The following USP6NL variants were observed in gnomAD, a reference collection of about 807,000 sequenced individuals.
The protein encoded by USP6NL is USP6 N-terminal-like protein.
In USP6NL, 26 loss-of-function variants were observed where a neutral mutation model predicts 61.9. The observed-to-expected ratio is 0.42, with a 90% CI of 0.31 to 0.58. USP6NL has a LOEUF of 0.58. Ranked by LOEUF, USP6NL falls within the 20% of genes least tolerant of loss-of-function variation. USP6NL has a pLI of 0.16. For missense variants in USP6NL, 1,114 were observed against 1,034.3 expected (o/e 1.08, Z -1.06); for synonymous variants, 432 against 390.1 (o/e 1.11, Z -1.27).
chr10:11,520,817 C>A lies in USP6NL; in HGVS notation c.156-2243G>T, dbSNP rs1246349924. ...CAGGGTTAAGCAGTTGTGACAAAGA[C>A]CGTATGACCTACAAAGCCAAAGATC... On this transcript the variant is annotated intron_variant, in intron 4 of 14. Coordinates refer to ENST00000609104, the MANE Select transcript of USP6NL (RefSeq NM_014688.5). The surrounding 1 kb of genome is among the most constrained non-coding windows in gnomAD (Gnocchi z 5.2). Among the ~76,000 whole-genome samples, 1 of 152,202 alleles carries A rather than the reference C, an allele frequency of 6.6e-6. No homozygotes were observed. The highest frequency in any genetic ancestry group is 1.5e-5 in the Non-Finnish European group (1 of 68,042).
chr10:11,609,854 CT>C (rs1460532557), intron 1 of USP6NL, among the ~76,000 whole-genome samples: 2 of 152,186 alleles, frequency 1.3e-5, no homozygotes, highest in East Asian at 3.8e-4. Context: ...CACTTACTGG[CT>C]TGTTTAACCA....
chr10:11,484,866 C>A, intron 13 of USP6NL, 105 bp downstream of exon 13: 1 of 851,056 alleles, frequency 1.2e-6, no homozygotes, highest in South Asian at 2.3e-5. Context: ...AAAATTTAAA[C>A]CACTATTAAA....
At chr10:11,523,367 T>C (rs1038805677) in intron 4 of USP6NL, among the ~76,000 whole-genome samples, 2 of 152,242 alleles carry the variant, frequency 1.3e-5, no homozygotes, top group African/African-American at 4.8e-5. Context: ...TGGATCCACA[T>C]TTGCAGGCAT....
intron 1 of USP6NL, among the ~76,000 whole-genome samples, chr10:11,607,390 TA>T (rs1208737372): frequency 6.6e-6 from 1 of 152,132 alleles, no homozygotes; most frequent in Non-Finnish European, 1.5e-5. Flanking sequence ...ATTAATTCTA[TA>T]ATAAAATATT....
chr10:11,510,665 T>G lies in USP6NL; in HGVS notation c.196-990A>C, dbSNP rs1566146596. Among the ~76,000 whole-genome samples, 1 of 152,148 alleles carries G rather than the reference T, an allele frequency of 6.6e-6. No individual in the cohort carries two copies. The highest frequency in any genetic ancestry group is 1.5e-5 in the Non-Finnish European group (1 of 68,028). On this transcript the variant is annotated intron_variant, in intron 5 of 14. Transcript: ENST00000609104. The surrounding 1 kb of genome is among the most constrained non-coding windows in gnomAD (Gnocchi z 4.8). ...TAGTAAGTATATGAATAAAAAGCAATGAAAATACAAGTCTACTCAGAAAAG... is the reference window on the plus strand; with the variant it reads ...TAGTAAGTATATGAATAAAAAGCAAGGAAAATACAAGTCTACTCAGAAAAG...
At position 11,471,735 on chromosome 10, in the gene USP6NL, C is replaced by G. The variant is rs572347405; in HGVS notation, c.1079-7886G>C. Among the ~76,000 whole-genome samples, 7 of 148,678 alleles carry G rather than the reference C, an allele frequency of 4.7e-5. No homozygotes were observed. The East Asian group carries it at 1.4e-3, about 29-fold the overall frequency. ...GCAAACTATTGCAAGGACAAAATAC[C>G]AAATACTGCATGTTCTCACTCACAG... is the stretch of plus-strand genomic sequence containing the variant. On this transcript the variant is annotated intron_variant, in intron 14 of 14. Transcript: ENST00000609104.
intron 6 of USP6NL, among the ~76,000 whole-genome samples, chr10:11,506,488 AT>A (rs1000660631): frequency 1.3e-5 from 2 of 151,002 alleles, no homozygotes; most frequent in Admixed American, 6.6e-5. Context: ...GAAAAATAAA[AT>A]TTTTTTTTTA....
At chr10:11,505,060 A>G (rs1247183614) in intron 6 of USP6NL, among the ~76,000 whole-genome samples, 1 of 152,182 alleles carries the variant, frequency 6.6e-6, no homozygotes, top group Non-Finnish European at 1.5e-5. Context: ...TGTGATGGTC[A>G]CTTCTTATGG....
At position 11,585,887 on chromosome 10, in the gene USP6NL, T is replaced by C. The variant is rs547742535; in HGVS notation, c.4+11744A>G. Reference sequence around the variant, plus strand: ...TTACAAAAATACAAATACTGAATGATTCCACTTACATGAGGTACCTAGAGG... The same window carrying C: ...TTACAAAAATACAAATACTGAATGACTCCACTTACATGAGGTACCTAGAGG... On this transcript the variant is annotated intron_variant, in intron 2 of 14. Transcript: ENST00000609104. This position sits in a 1 kb window ranked among gnomAD's most constrained non-coding sequence, Gnocchi z 4.5. Among the ~76,000 whole-genome samples the C allele has an allele frequency of 7.4e-4, 113 of 152,238 alleles. 1 individual carries two copies. Among genetic ancestry groups the C allele is most frequent in the Admixed American group, 1.6e-3 (25 of 15,288 alleles).
intron 7 of USP6NL, among the ~76,000 whole-genome samples, chr10:11,498,235 CAAAAAAAAA>C (rs11341542): frequency 3.6e-4 from 14 of 38,808 alleles, no homozygotes; most frequent in Admixed American, 1.3e-3. Context: ...CACTCTGTCT[CAAAAAAAAA>C]AAAAAAAAAA....
At chr10:11,497,336 G>A (rs1305200422) in intron 7 of USP6NL, among the ~76,000 whole-genome samples, 3 of 150,744 alleles carry the variant, frequency 2.0e-5, no homozygotes, top group South Asian at 2.1e-4. Context: ...GTGTGAACCC[G>A]GGAGGCGGAG....
chr10:11,488,452 AT>A (rs1420846704), intron 10 of USP6NL, among the ~76,000 whole-genome samples: 1 of 152,232 alleles, frequency 6.6e-6, no homozygotes, highest in Non-Finnish European at 1.5e-5. Flanking sequence ...TTATTGCTTA[AT>A]TTGGCAAAAA....
At chr10:11,479,953 T>C (rs766985001) in intron 14 of USP6NL, among the ~76,000 whole-genome samples, 1 of 152,126 alleles carries the variant, frequency 6.6e-6, no homozygotes, top group Non-Finnish European at 1.5e-5. Flanking sequence ...TAGTGTTCCA[T>C]ATACAGTTCA....
chr10:11,559,671 G>A (rs963229887), intron 2 of USP6NL, among the ~76,000 whole-genome samples: 1 of 152,088 alleles, frequency 6.6e-6, no homozygotes, highest in African/African-American at 2.4e-5. Flanking sequence ...CAATCACAAA[G>A]TACAACCTAA....
In USP6NL at chr10:11,525,519, A is replaced by G. The variant is rs1835380174; in HGVS notation, c.73-51T>C. 7.0e-7 allele frequency: 1 copy of G among 1,435,376 alleles called. No individual in the cohort carries two copies. The highest frequency in any genetic ancestry group is 9.3e-7 in the Non-Finnish European group (1 of 1,071,102). The allele number at this position is 1,435,376 out of a possible 1,614,324, so 88.9% of individuals were successfully genotyped here. A position where few individuals can be genotyped will look rare whatever the true frequency, so the allele number is the denominator to read the frequency against. ...TTAATCAGAGTTTATAAAACTGAAT[A>G]ATTTTTTAAAATAAAAGGACGAAGA... On this transcript the variant is annotated intron_variant, in intron 3 of 14. Transcript: ENST00000609104. The surrounding 1 kb of genome is among the most constrained non-coding windows in gnomAD (Gnocchi z 5.0).
chr10:11,602,352 T>C lies in USP6NL; in HGVS notation c.-83-4635A>G, dbSNP rs1177081177. ...AATTTAAAACAGGCAGATAATAACA[T>C]AGATAACAGGAAGGATTTACTATGT... On this transcript the variant is annotated intron_variant, in intron 1 of 14. Transcript: ENST00000609104. The surrounding 1 kb of genome is among the most constrained non-coding windows in gnomAD (Gnocchi z 4.8). Among the ~76,000 whole-genome samples, 1 of 152,122 alleles carries C rather than the reference T, an allele frequency of 6.6e-6. No homozygotes were observed. The highest frequency in any genetic ancestry group is 1.5e-5 in the Non-Finnish European group (1 of 68,012).
rs1183504278 is a variant in USP6NL, at chr10:11,485,778, G to C, written c.759+39C>G. 1 of 1,333,466 alleles carries C rather than the reference G, an allele frequency of 7.5e-7. No homozygotes were observed. Among genetic ancestry groups the C allele is most frequent in the Non-Finnish European group, 1.0e-6 (1 of 972,812 alleles). 82.6% of individuals were successfully genotyped at this position (1,333,466 alleles called of 1,614,324 possible). On this transcript the variant is annotated intron_variant, in intron 11 of 14. Coordinates refer to ENST00000609104, the MANE Select transcript of USP6NL (RefSeq NM_014688.5). The surrounding 1 kb of genome is among the most constrained non-coding windows in gnomAD (Gnocchi z 4.8). ...TAATTATCCCAGCTTTTTTTGGGGG[G>C]TGGGTAGGTGGGTGTAAGTCAGTGG...
At chr10:11,544,765 A>C (rs1335548989) in intron 2 of USP6NL, among the ~76,000 whole-genome samples, 1 of 152,246 alleles carries the variant, frequency 6.6e-6, no homozygotes, top group East Asian at 1.9e-4. Context: ...CTGGGATTAC[A>C]GGTGTGAGCC....
Position 11,481,667 on chromosome 10 carries a change from A to G in USP6NL, c.1078+103T>C. The G allele has an allele frequency of 8.1e-7, 1 of 1,239,666 alleles. No homozygotes were observed. Among genetic ancestry groups the G allele is most frequent in the South Asian group, 2.1e-5 (1 of 46,580 alleles). The allele number at this position is 1,239,666 out of a possible 1,614,324, so 76.8% of individuals were successfully genotyped here. On this transcript the variant is annotated intron_variant, in intron 14 of 14. Transcript: ENST00000609104. The surrounding 1 kb of genome is among the most constrained non-coding windows in gnomAD (Gnocchi z 4.4). ...CATTCATCCACATTATGTCATCACA[A>G]GTATAATGCTTACGCTGTGGGCAAG...
Sources: allele counts gnomAD v4.1 joint callset (sites outside exome capture counted in the v4.1 genomes callset), GRCh38; gene constraint gnomAD v4.1.1; non-coding constraint Gnocchi (gnomAD v3.1); transcripts MANE v1.5; gene names NCBI Gene and HGNC (gene_info 2026-07-23, HGNC 2026-07-21).